The following RNF125 variants were observed in gnomAD, a reference collection of about 807,000 sequenced individuals.
The protein encoded by RNF125 is ring finger protein 125.
A neutral mutation model predicts 26.0 loss-of-function variants in RNF125; 21 were observed. The observed-to-expected ratio is 0.81, with a 90% CI of 0.57 to 1.16. The LOEUF (loss-of-function observed/expected upper bound fraction) is 1.16. RNF125 is among the 50% of genes most tolerant of loss of function. The pLI, the probability that RNF125 is intolerant of heterozygous loss-of-function variation, is 0.00. For synonymous variants in RNF125, 95 were observed against 109.2 expected (o/e 0.87, Z 0.81); for missense variants, 270 against 299.4 (o/e 0.90, Z 0.72).
intron 1 of RNF125, among the ~76,000 whole-genome samples, chr18:32,035,991 A>G (rs1200895069): frequency 1.3e-5 from 2 of 151,984 alleles, no homozygotes; most frequent in African/African-American, 4.8e-5. Context: ...TGTCTCTACT[A>G]AAAACACAAA....
At chr18:32,021,408 C>T (rs1381031698) in intron 1 of RNF125, among the ~76,000 whole-genome samples, 1 of 152,216 alleles carries the variant, frequency 6.6e-6, no homozygotes, top group Non-Finnish European at 1.5e-5. Flanking sequence ...CCTGTTGTTT[C>T]AGCTTTGTTC....
chr18:32,070,699 T>C lies in RNF125; in HGVS notation c.*2315T>C, dbSNP rs1355999608. On this transcript the variant is annotated 3_prime_UTR_variant, in exon 6 of 6. Transcript: ENST00000217740. Reference sequence around the variant, plus strand: ...GTTTTCATTTGCTTTTCTCATTCTTTCCCAATTTTTTTTTTTTTTTGAGAT... The same window carrying C: ...GTTTTCATTTGCTTTTCTCATTCTTCCCCAATTTTTTTTTTTTTTTGAGAT... 1 of 147,854 alleles carries C rather than the reference T, an allele frequency of 6.8e-6. No homozygotes were observed. Among genetic ancestry groups the C allele is most frequent in the African/African-American group, 2.5e-5 (1 of 40,714 alleles). 9.2% of individuals were successfully genotyped at this position (147,854 alleles called of 1,614,324 possible).
chr18:32,081,835 A>G, the RNF125 span, among the ~76,000 whole-genome samples: 5 of 152,222 alleles, frequency 3.3e-5, no homozygotes, highest in Non-Finnish European at 7.3e-5. Context: ...AGCACTTTCA[A>G]TAAGGTACAA....
At chr18:32,052,901 C>A (rs1452480628) in intron 4 of RNF125, among the ~76,000 whole-genome samples, 1 of 152,146 alleles carries the variant, frequency 6.6e-6, no homozygotes, top group African/African-American at 2.4e-5. Flanking sequence ...TAGTACTTGG[C>A]AACTGAAATC....
chr18:32,056,052 A>C (rs1031424343), intron 4 of RNF125, among the ~76,000 whole-genome samples: 13 of 151,928 alleles, frequency 8.6e-5, no homozygotes, highest in African/African-American at 2.9e-4. Context: ...AAGAAACTTA[A>C]GAAATCCATT....
chr18:32,085,373 C>CAGAGAGAG, the RNF125 span, among the ~76,000 whole-genome samples: 978 of 128,730 alleles, frequency 7.6e-3, 16 homozygotes, highest in African/African-American at 0.021. Flanking sequence ...CTGCCAGAAG[C>CAGAGAGAG]AGAGAGAGAG....
chr18:32,030,270 A>T (rs1254214058), intron 1 of RNF125, among the ~76,000 whole-genome samples: 2 of 152,144 alleles, frequency 1.3e-5, no homozygotes, highest in Non-Finnish European at 2.9e-5. Flanking sequence ...CTCGAACTCC[A>T]GACCTCAGGT....
rs1222076099 is a variant in RNF125, at chr18:32,072,281, GAAT to G, written c.*3901_*3903del. ...GAGAAAAAGGAGAGGAATTTTTCAG[GAAT>G]AATCATAAAAAGAAATGATCATCAG... On this transcript the variant is annotated 3_prime_UTR_variant, in exon 6 of 6. Transcript: ENST00000217740. 6.6e-6 allele frequency: 1 copy of G among 152,102 alleles called. No homozygotes were observed. Among genetic ancestry groups the G allele is most frequent in the African/African-American group, 2.4e-5 (1 of 41,440 alleles). The allele number at this position is 152,102 out of a possible 1,614,324, so 9.4% of individuals were successfully genotyped here.
At chr18:32,046,236 AAG>A in intron 4 of RNF125, among the ~76,000 whole-genome samples, 1 of 116,454 alleles carries the variant, frequency 8.6e-6, no homozygotes, top group Admixed American at 8.9e-5. Flanking sequence ...AAAAAAAAAA[AAG>A]AGAAAGAGAG....
chr18:32,087,714 T>G, the RNF125 span, among the ~76,000 whole-genome samples: 1 of 152,158 alleles, frequency 6.6e-6, no homozygotes, highest in Admixed American at 6.5e-5. Flanking sequence ...TTAACCCCAG[T>G]TCCAGGAATG....
chr18:32,064,334 C>T (rs914367950), intron 4 of RNF125, among the ~76,000 whole-genome samples: 3 of 150,246 alleles, frequency 2.0e-5, no homozygotes, highest in Admixed American at 2.0e-4. Context: ...CAAACTATAT[C>T]TCACACACAC....
chr18:32,060,989 G>A (rs1371618856), intron 4 of RNF125, among the ~76,000 whole-genome samples: 4 of 152,048 alleles, frequency 2.6e-5, no homozygotes, highest in South Asian at 4.2e-4. Flanking sequence ...GTGAGATCCC[G>A]TTTCAAAAAC....
rs778055153 is a variant in RNF125, at chr18:32,042,231, A to T, written c.371A>T (p.Asp124Val). 6.2e-7 allele frequency: 1 copy of T among 1,613,824 alleles called. No homozygotes were observed. Among genetic ancestry groups the T allele is most frequent in the Non-Finnish European group, 8.5e-7 (1 of 1,179,838 alleles). ...AHIRTCQKYI[D>V]KYGPLQELEE... The stretch of plus-strand genomic sequence containing the variant: ...ATTCGGACTTGTCAGAAGTACATAG[A>T]TAAGTATGGACCACTACAAGAACTT... Residue 124 changes from aspartate (D) to valine (V), a missense_variant, in exon 3 of 6, where the codon GAT becomes GTT. By Grantham distance (152) the Asp-to-Val change is radical. Coordinates refer to ENST00000217740, the MANE Select transcript of RNF125 (RefSeq NM_017831.4).
At chr18:32,035,724 T>C (rs2039145814) in intron 1 of RNF125, among the ~76,000 whole-genome samples, 1 of 152,188 alleles carries the variant, frequency 6.6e-6, no homozygotes, top group Non-Finnish European at 1.5e-5. Flanking sequence ...TAGAAGTCAA[T>C]GATTAGCACC....
At chr18:32,085,570 GGGT>G in the RNF125 span, among the ~76,000 whole-genome samples, 2 of 146,468 alleles carry the variant, frequency 1.4e-5, no homozygotes, top group African/African-American at 5.5e-5. Flanking sequence ...GTGTGGCGGC[GGGT>G]GCCTGTAATC....
chr18:32,026,288 G>T (rs1158817932), intron 1 of RNF125, among the ~76,000 whole-genome samples: 1 of 121,090 alleles, frequency 8.3e-6, no homozygotes, highest in Non-Finnish European at 1.6e-5. Flanking sequence ...TTGCTCTGTC[G>T]TCCAGGCTAG....
chr18:32,042,023 G>A (rs2039225577), intron 2 of RNF125, 156 bp from the exon 3 acceptor site: 1 of 628,260 alleles, frequency 1.6e-6, no homozygotes, highest in East Asian at 2.8e-5. Context: ...TCTTGATAAT[G>A]CCTTAATTTT....
intron 4 of RNF125, among the ~76,000 whole-genome samples, chr18:32,047,077 G>A (rs1312101902): frequency 1.3e-5 from 2 of 151,858 alleles, no homozygotes; most frequent in Non-Finnish European, 1.5e-5. Flanking sequence ...GTGCTGTGTC[G>A]CCAGGCTGGA....
chr18:32,053,378 G>T (rs1479529105), intron 4 of RNF125, among the ~76,000 whole-genome samples: 2 of 150,054 alleles, frequency 1.3e-5, no homozygotes, highest in Non-Finnish European at 3.0e-5. Flanking sequence ...AAAAAAAAAA[G>T]AAAGAACATA....
Sources: gnomAD v4.1 joint callset for allele counts (sites outside exome capture counted in the v4.1 genomes callset) on GRCh38, gnomAD v4.1.1 for gene constraint, MANE v1.5 for transcripts, NCBI Gene and HGNC (gene_info 2026-07-23, HGNC 2026-07-21) for gene names.